The following NXPH2 variants were observed in gnomAD, a reference collection of about 807,000 sequenced individuals.
NXPH2 encodes neurexophilin-2.
In NXPH2, 5 loss-of-function variants were observed where a neutral mutation model predicts 19.8. The ratio of observed to expected loss-of-function variants is 0.25; its 90% CI spans 0.13 to 0.53. NXPH2 has a LOEUF of 0.53. NXPH2 is among the 20% of genes least tolerant of loss of function. The probability of loss-of-function intolerance (pLI) is 0.96; values close to 1 mark genes in which losing one functional copy is unlikely to be tolerated. For synonymous variants in NXPH2, 154 were observed against 127.4 expected, an observed-to-expected ratio of 1.21 and a Z score of -1.41; for missense variants, 289 against 322.8, an observed-to-expected ratio of 0.90 and a Z score of 0.80.
chr2:138,730,157 A>G (rs1377809048), intron 1 of NXPH2, among the ~76,000 whole-genome samples: 1 of 151,748 alleles, frequency 6.6e-6, no homozygotes, highest in Non-Finnish European at 1.5e-5. Context: ...CCCATATGAC[A>G]TATGACTTTT....
chr2:138,758,064 A>G (rs1681944109), intron 1 of NXPH2, among the ~76,000 whole-genome samples: 1 of 152,132 alleles, frequency 6.6e-6, no homozygotes, highest in South Asian at 2.1e-4. Flanking sequence ...AAGACTCTCA[A>G]ATAGACTCAT....
chr2:138,771,021 A>G (rs966467859), intron 1 of NXPH2, among the ~76,000 whole-genome samples: 1 of 152,128 alleles, frequency 6.6e-6, no homozygotes, highest in African/African-American at 2.4e-5. Context: ...TGATACAGGC[A>G]TGCACATACA....
At chr2:138,693,659 G>A (rs956162160) in intron 1 of NXPH2, among the ~76,000 whole-genome samples, 2 of 151,954 alleles carry the variant, frequency 1.3e-5, no homozygotes, top group African/African-American at 4.8e-5. Flanking sequence ...GTACCAGCAG[G>A]GATGTCCAGC....
intron 1 of NXPH2, among the ~76,000 whole-genome samples, chr2:138,719,243 T>C (rs1681240645): frequency 6.6e-6 from 1 of 152,104 alleles, no homozygotes; most frequent in Non-Finnish European, 1.5e-5. Flanking sequence ...TATATATACT[T>C]AAGGTAAAAA....
At chr2:138,760,999 A>G (rs67594102) in intron 1 of NXPH2, among the ~76,000 whole-genome samples, 9,195 of 152,276 alleles carry the variant, frequency 0.06, 360 homozygotes, top group Middle Eastern at 0.12. Context: ...GATTAAACCC[A>G]GGGTCTGCAC....
chr2:138,685,694 A>G (rs1294108532), intron 1 of NXPH2, among the ~76,000 whole-genome samples: 6 of 152,188 alleles, frequency 3.9e-5, no homozygotes, highest in Admixed American at 3.3e-4. Context: ...TTGATGTTCT[A>G]CTAAATGCTT....
At chr2:138,690,395 C>G (rs571898886) in intron 1 of NXPH2, among the ~76,000 whole-genome samples, 7 of 152,170 alleles carry the variant, frequency 4.6e-5, no homozygotes, top group African/African-American at 1.7e-4. Context: ...GACCTTTATA[C>G]ATCCAGGCCA....
intron 1 of NXPH2, among the ~76,000 whole-genome samples, chr2:138,715,570 C>G (rs566915258): frequency 1.1e-4 from 17 of 152,284 alleles, no homozygotes; most frequent in African/African-American, 4.1e-4. Context: ...GAGGGGAGAA[C>G]ACCTCTGTGT....
chr2:138,723,934 CTTT>C (rs66507808), intron 1 of NXPH2, among the ~76,000 whole-genome samples: 1 of 144,572 alleles, frequency 6.9e-6, no homozygotes, highest in Non-Finnish European at 1.5e-5. Flanking sequence ...GTCATAATTT[CTTT>C]TTTTTTTTTT....
At chr2:138,720,251 C>A (rs1681257715) in intron 1 of NXPH2, among the ~76,000 whole-genome samples, 1 of 152,122 alleles carries the variant, frequency 6.6e-6, no homozygotes, top group East Asian at 1.9e-4. Context: ...AGAACAAAAG[C>A]AATGACTGGG....
chr2:138,706,487 A>C (rs1681011574), intron 1 of NXPH2, among the ~76,000 whole-genome samples: 1 of 152,198 alleles, frequency 6.6e-6, no homozygotes, highest in African/African-American at 2.4e-5. Flanking sequence ...AATTATTTTG[A>C]ATTTTATGTG....
chr2:138,737,091 C>T (rs866303028), intron 1 of NXPH2, among the ~76,000 whole-genome samples: 1 of 152,186 alleles, frequency 6.6e-6, no homozygotes, highest in Non-Finnish European at 1.5e-5. Context: ...CTGAGCCCTC[C>T]AAATTGTTCC....
intron 1 of NXPH2, among the ~76,000 whole-genome samples, chr2:138,772,065 A>G (rs1029581688): frequency 6.6e-6 from 1 of 152,068 alleles, no homozygotes; most frequent in Admixed American, 6.5e-5. Flanking sequence ...TTGTCCTCAT[A>G]TTCCTACCTG....
intron 1 of NXPH2, among the ~76,000 whole-genome samples, chr2:138,717,682 T>C (rs1374918426): frequency 6.6e-6 from 1 of 152,056 alleles, no homozygotes; most frequent in African/African-American, 2.4e-5. Context: ...GCAACCTGTA[T>C]GCTTCAGAAA....
At chr2:138,680,213 T>G (rs1680552238) in intron 1 of NXPH2, among the ~76,000 whole-genome samples, 1 of 152,224 alleles carries the variant, frequency 6.6e-6, no homozygotes, top group Admixed American at 6.5e-5. Context: ...ATTCCCTCTC[T>G]GAGCTTGGTT....
chr2:138,707,199 G>C (rs1573961317), intron 1 of NXPH2, among the ~76,000 whole-genome samples: 1 of 149,306 alleles, frequency 6.7e-6, no homozygotes, highest in Non-Finnish European at 1.5e-5. Flanking sequence ...TTCAGTCAGG[G>C]GATTCATATT....
At chr2:138,705,717 G>A (rs888047281) in intron 1 of NXPH2, among the ~76,000 whole-genome samples, 6 of 152,186 alleles carry the variant, frequency 3.9e-5, no homozygotes, top group African/African-American at 1.4e-4. Flanking sequence ...CTACTAAGCT[G>A]AAATCTGTCT....
intron 1 of NXPH2, among the ~76,000 whole-genome samples, chr2:138,717,633 T>G (rs951320774): frequency 6.6e-5 from 10 of 152,014 alleles, no homozygotes; most frequent in African/African-American, 2.4e-4. Flanking sequence ...AATTTCAATG[T>G]ATGAATTTTG....
In NXPH2 at chr2:138,671,100, T is replaced by A; in HGVS notation, c.617A>T (p.Asp206Val). The stretch of plus-strand genomic sequence containing the variant: ...CTCCTGGTAGCAGATCTTGGATGGG[T>A]CAAAGTTGCACAGGGCGGTCTTTTT... Reference protein sequence around the residue: ...RAKKTALCNFDPSKICYQEQT... With the variant: ...RAKKTALCNFVPSKICYQEQT... Residue 206 changes from aspartate to valine, a missense_variant, in exon 2 of 2, where the codon GAC becomes GTC. By Grantham distance (152) the Asp-to-Val change is radical. Transcript: ENST00000272641. The A allele has an allele frequency of 6.2e-7, 1 of 1,613,834 alleles. No individual in the cohort carries two copies. Among genetic ancestry groups the A allele is most frequent in the Non-Finnish European group, 8.5e-7 (1 of 1,179,812 alleles).
Sources: gnomAD v4.1 joint callset for allele counts (sites outside exome capture counted in the v4.1 genomes callset) on GRCh38, gnomAD v4.1.1 for gene constraint, MANE v1.5 for transcripts, NCBI Gene and HGNC (gene_info 2026-07-23, HGNC 2026-07-21) for gene names.